Variants in GRK7 observed in about 807,000 individuals in gnomAD.
GRK7 encodes the protein G protein-coupled receptor kinase 7.
In GRK7, 24 loss-of-function variants were observed where a neutral mutation model predicts 34.1. The ratio of observed to expected loss-of-function variants is 0.70; its 90% CI spans 0.51 to 0.99. The LOEUF is 0.99. Among genes scored for constraint, GRK7 ranks in the 50% least tolerant of loss-of-function variants. The pLI is 0.00. For synonymous variants in GRK7, 256 were observed against 279.4 expected (o/e 0.92, Z 0.84); for missense variants, 644 against 707.3 (o/e 0.91, Z 1.02).
At chr3:141,786,701 C>A (rs1372358514) in intron 4 of GRK7, among the ~76,000 whole-genome samples, 1 of 151,974 alleles carries the variant, frequency 6.6e-6, no homozygotes, top group South Asian at 2.1e-4. Flanking sequence ...TCGCTTGAAC[C>A]CAGGAGGCAG....
In GRK7 at chr3:141,778,260, C is replaced by T. The variant is rs1345729555; in HGVS notation, c.-25C>T. ...GCCCTCCAGCCCTCTTGTGCTTTCC[C>T]TGGGAGTGCGCCCCGTGCTCAGCCA... is the stretch of plus-strand genomic sequence containing the variant. On this transcript the variant is annotated 5_prime_UTR_variant, in exon 3 of 6. Transcript: ENST00000682958. This position sits in a 1 kb window ranked among gnomAD's most constrained non-coding sequence, Gnocchi z 4.1. 6.5e-7 allele frequency: 1 copy of T among 1,534,504 alleles called. No homozygotes were observed. The highest frequency in any genetic ancestry group is 1.3e-5 in the South Asian group (1 of 78,176).
intron 4 of GRK7, among the ~76,000 whole-genome samples, chr3:141,797,740 TC>T (rs1710906632): frequency 6.6e-6 from 1 of 152,118 alleles, no homozygotes; most frequent in African/African-American, 2.4e-5. Flanking sequence ...GGCTCCTTTC[TC>T]CCCGTCTGCG....
At chr3:141,799,438 C>A (rs1366896347) in intron 4 of GRK7, among the ~76,000 whole-genome samples, 1 of 151,994 alleles carries the variant, frequency 6.6e-6, no homozygotes, top group Non-Finnish European at 1.5e-5. Context: ...CATGGTGAAA[C>A]CCTGTCTCTA....
chr3:141,762,177 A>T (rs2084558051), upstream of GRK7, among the ~76,000 whole-genome samples: 1 of 149,818 alleles, frequency 6.7e-6, no homozygotes, highest in African/African-American at 2.5e-5. Context: ...GTTCCTTTGG[A>T]GGAGGAGAGG....
At position 141,807,917 on chromosome 3, in the gene GRK7, C is replaced by A. The variant is rs749210636; in HGVS notation, c.1323C>A (p.Ser441Arg). 6.3e-7 allele frequency: 1 copy of A among 1,576,528 alleles called. No homozygotes were observed. The highest frequency in any genetic ancestry group is 8.6e-7 in the Non-Finnish European group (1 of 1,160,820). The change falls in exon 5 of 6, where the codon AGC (serine) becomes AGA (arginine). Residue 441 changes from serine to arginine, a missense_variant and splice_region_variant. Ser to Arg is a moderately radical substitution (Grantham distance 110). Transcript: ENST00000682958. Reference sequence around the variant, plus strand: ...AGAAACCAGAGCAACGCTTAGGAAGCAGGTAAACTAGCATGTAACAGAGAG... The same window carrying A: ...AGAAACCAGAGCAACGCTTAGGAAGAAGGTAAACTAGCATGTAACAGAGAG... ...LAKKPEQRLG[S>R]REKSDDPRKH... is the part of the protein sequence containing the mutation.
chr3:141,786,803 T>A (rs564377800), intron 4 of GRK7, among the ~76,000 whole-genome samples: 1 of 151,200 alleles, frequency 6.6e-6, no homozygotes, highest in East Asian at 1.9e-4. Flanking sequence ...TACTAGTTAG[T>A]TGACTTTGAA....
chr3:141,783,633 C>G (rs1194616848), intron 4 of GRK7, among the ~76,000 whole-genome samples: 2 of 151,892 alleles, frequency 1.3e-5, no homozygotes, highest in Admixed American at 6.6e-5. Context: ...CTGGATTGAT[C>G]TAGAAGTAGG....
In GRK7 at chr3:141,807,775, A is replaced by G. The variant is rs1711051194; in HGVS notation, c.1181A>G (p.Tyr394Cys). Residue 394 changes from tyrosine to cysteine, a missense_variant, in exon 5 of 6, where the codon TAC becomes TGC. Transcript: ENST00000682958. ...MVAGRTPFKD[Y>C]KEKVSKEDLK... ...GCTGGACGAACACCATTCAAAGATT[A>G]CAAGGAAAAGGTCAGTAAAGAGGAT... 1.2e-6 allele frequency: 2 copies of G among 1,614,098 alleles called. No homozygotes were observed. The highest frequency in any genetic ancestry group is 1.7e-6 in the Non-Finnish European group (2 of 1,180,030).
Position 141,807,716 on chromosome 3 carries a change from G to GT in GRK7, c.1125dup (p.Ala376CysfsTer8), listed in dbSNP as rs1267757348. On this transcript the variant is annotated frameshift_variant, in exon 5 of 6. Transcript: ENST00000682958. LOFTEE classifies it high-confidence loss of function. Reference sequence around the variant, plus strand: ...TAAGTTATTCCTATCCTGTGGACTGGTTTGCCATGGGATGCAGCATTTATG... The same window carrying GT: ...TAAGTTATTCCTATCCTGTGGACTGGTTTTGCCATGGGATGCAGCATTTATG... 3 of 1,613,900 alleles carry GT rather than the reference G, an allele frequency of 1.9e-6. No homozygotes were observed. In the African/African-American group the frequency reaches 4.0e-5, roughly 22 times the overall value.
rs1378994501 is a variant in GRK7, at chr3:141,789,212, T to C, written c.1050+8401T>C. ...TCAGAGTTATTATGGGACAGAACTA[T>C]GTTACTTCAGAAAAATGAAATTAAC... On this transcript the variant is annotated intron_variant, in intron 4 of 5. Transcript: ENST00000682958. Among the ~76,000 whole-genome samples, 3 of 152,352 alleles carry C rather than the reference T, an allele frequency of 2.0e-5. No homozygotes were observed. In the East Asian group the frequency reaches 5.8e-4, roughly 29 times the overall value.
the GRK7 span, among the ~76,000 whole-genome samples, chr3:141,750,976 G>A: frequency 1.3e-3 from 196 of 152,196 alleles, no homozygotes; most frequent in African/African-American, 4.5e-3. Flanking sequence ...GTTTAAGGCT[G>A]TAGTGTGTGA....
chr3:141,805,958 A>G (rs1012077022), intron 4 of GRK7, among the ~76,000 whole-genome samples: 2 of 152,220 alleles, frequency 1.3e-5, no homozygotes, highest in Non-Finnish European at 2.9e-5. Flanking sequence ...CACTGCATCC[A>G]ACTTTTCCAA....
chr3:141,778,647 C>A lies in GRK7; in HGVS notation c.363C>A (p.Asn121Lys), dbSNP rs1461007745. ...GTGCGAGTGCCCCTGCCCCGGGGAA[C>A]CCGCAACCCTTCCTCAGCCAGGCCG... ...ATCASAPAPG[N>K]PQPFLSQAVA... is the part of the protein sequence containing the mutation. The change falls in exon 3 of 6, where the codon AAC becomes AAA. Residue 121 changes from asparagine (N) to lysine (K), a missense_variant. Transcript: ENST00000682958. This position sits in a 1 kb window ranked among gnomAD's most constrained non-coding sequence, Gnocchi z 4.1. 1 of 1,613,208 alleles carries A rather than the reference C, an allele frequency of 6.2e-7. No homozygotes were observed. Among genetic ancestry groups the A allele is most frequent in the Admixed American group, 1.7e-5 (1 of 59,934 alleles).
intron 5 of GRK7, among the ~76,000 whole-genome samples, chr3:141,809,118 C>T (rs955336510): frequency 6.6e-6 from 1 of 152,094 alleles, no homozygotes. Context: ...ACAAGAATCA[C>T]TTGAACCCAG....
chr3:141,769,724 G>A (rs1048826622), intron 1 of GRK7, among the ~76,000 whole-genome samples: 34 of 152,142 alleles, frequency 2.2e-4, no homozygotes, highest in Non-Finnish European at 2.6e-4. Context: ...AAAGACACCA[G>A]GGCATCTCTC....
intron 3 of GRK7, 150 bp downstream of exon 3, chr3:141,779,046 C>A: frequency 1.3e-6 from 1 of 785,940 alleles, no homozygotes; most frequent in Non-Finnish European, 2.0e-6. Context: ...CAGCCCCCTT[C>A]TTTGTGTGTG....
chr3:141,750,027 A>C, the GRK7 span, among the ~76,000 whole-genome samples: 1 of 152,104 alleles, frequency 6.6e-6, no homozygotes, highest in South Asian at 2.1e-4. Flanking sequence ...AAAAAAAAAA[A>C]AAGAAATATG....
the GRK7 span, among the ~76,000 whole-genome samples, chr3:141,757,262 T>A: frequency 1.3e-5 from 2 of 151,976 alleles, no homozygotes; most frequent in South Asian, 4.2e-4. Context: ...ACTCGTCATG[T>A]AGCCTTAGGT....
chr3:141,811,244 G>A (rs1711089454), intron 5 of GRK7, among the ~76,000 whole-genome samples: 3 of 151,988 alleles, frequency 2.0e-5, no homozygotes, highest in Admixed American at 6.6e-5. Flanking sequence ...CTTGAACCTG[G>A]GAGGCGGAGG....
Sources: gnomAD v4.1 joint callset for allele counts (sites outside exome capture counted in the v4.1 genomes callset) on GRCh38, gnomAD v4.1.1 for gene constraint, Gnocchi (gnomAD v3.1) non-coding constraint, MANE v1.5 for transcripts, NCBI Gene and HGNC (gene_info 2026-07-23, HGNC 2026-07-21) for gene names.